Variants in CYS1 observed in about 807,000 individuals in gnomAD.
CYS1 encodes the protein cystin-1.
CYS1 carries 5 observed loss-of-function variants against 9.6 expected under a neutral mutation model. That is an observed-to-expected ratio of 0.52 (90% confidence interval 0.27 to 1.10). The LOEUF (loss-of-function observed/expected upper bound fraction) is 1.10. CYS1 is among the 50% of genes least tolerant of loss of function. The pLI is 0.11. For missense variants in CYS1, 221 were observed against 207.9 expected, an observed-to-expected ratio of 1.06 and a Z score of -0.39; for synonymous variants, 88 against 95.7, an observed-to-expected ratio of 0.92 and a Z score of 0.47.
chr2:10,075,039 G>A (rs1465440039), intron 1 of CYS1, among the ~76,000 whole-genome samples: 1 of 152,170 alleles, frequency 6.6e-6, no homozygotes, highest in Non-Finnish European at 1.5e-5. Flanking sequence ...TGGAACCCGG[G>A]AGGCGGAGGC....
At position 10,079,960 on chromosome 2, in the gene CYS1, C is replaced by T. The variant is rs1482746547; in HGVS notation, c.264G>A (p.Glu88=). ...GCCGGGCTGGGCGGCGCGGGGCGGG[C>T]TCCGGGGGGCCCCAGGCCGCCGACT... ...LAESAAWGPP[E]PAPRRPARLR... Residue 88 remains glutamate (E), a synonymous_variant, in exon 1 of 3, where the codon GAG becomes GAA. Transcript: ENST00000381813. 6.3e-6 allele frequency: 7 copies of T among 1,114,648 alleles called. No homozygotes were observed. The highest frequency in any genetic ancestry group is 5.0e-5 in the Admixed American group (1 of 19,822). The allele number at this position is 1,114,648 out of a possible 1,614,324, so 69.0% of individuals were successfully genotyped here. A position where few individuals can be genotyped will look rare whatever the true frequency, so the allele number is the denominator to read the frequency against.
intron 1 of CYS1, among the ~76,000 whole-genome samples, chr2:10,069,846 C>G (rs2125290062): frequency 6.6e-6 from 1 of 152,320 alleles, no homozygotes; most frequent in South Asian, 2.1e-4. Context: ...CTCCAAATAT[C>G]TGAAGAGCTC....
At chr2:10,069,381 G>T (rs928582831) in intron 1 of CYS1, among the ~76,000 whole-genome samples, 16 of 152,116 alleles carry the variant, frequency 1.1e-4, no homozygotes, top group Non-Finnish European at 1.9e-4. Flanking sequence ...TGTTGTTGTT[G>T]TTTTTTGCGA....
chr2:10,077,884 C>T (rs4564746), intron 1 of CYS1, among the ~76,000 whole-genome samples: 72,324 of 151,150 alleles, frequency 0.48, 18,535 homozygotes, highest in East Asian at 0.69. Flanking sequence ...CCAAGGTGGG[C>T]GGGTCACCTG....
In CYS1 at chr2:10,058,835, G is replaced by A. The variant is rs769765865; in HGVS notation, c.*18C>T. 6.5e-7 allele frequency: 1 copy of A among 1,544,976 alleles called. No individual in the cohort carries two copies. Among genetic ancestry groups the A allele is most frequent in the South Asian group, 1.2e-5 (1 of 84,300 alleles). ...AGCAGGTGCCTCCGAGGCCTGGCGG[G>A]GGTGGAGCATGCTGTCCTCAGCGGC... On this transcript the variant is annotated 3_prime_UTR_variant, in exon 3 of 3. Transcript: ENST00000381813.
chr2:10,067,010 T>C (rs1461574227), intron 1 of CYS1, among the ~76,000 whole-genome samples: 6 of 152,170 alleles, frequency 3.9e-5, no homozygotes, highest in African/African-American at 9.7e-5. Flanking sequence ...GGATATCTCT[T>C]TTTATTTTAT....
At position 10,065,855 on chromosome 2, in the gene CYS1, C is replaced by T. The variant is rs377476624; in HGVS notation, c.371+49G>A. On this transcript the variant is annotated intron_variant, in intron 2 of 2. Coordinates refer to ENST00000381813, the MANE Select transcript of CYS1 (RefSeq NM_001037160.3). ...GGGCTCTGAGGCTGGCTGGAGTCAA[C>T]AAAAAGAACCCGTGGCTTCTGGGAG... is the stretch of plus-strand genomic sequence containing the variant. The T allele has an allele frequency of 1.2e-5, 20 of 1,604,684 alleles. No homozygotes were observed. The African/African-American group carries it at 2.1e-4, about 17-fold the overall frequency.
intron 1 of CYS1, among the ~76,000 whole-genome samples, chr2:10,075,725 CA>C (rs947541548): frequency 1.3e-3 from 202 of 152,228 alleles, no homozygotes; most frequent in African/African-American, 4.6e-3. Flanking sequence ...GGAACCTTTC[CA>C]AAAATGGTGG....
Position 10,076,867 on chromosome 2 carries a change from G to C in CYS1, c.318+3039C>G, listed in dbSNP as rs547799332. ...TCCCATGTTCTAATGGCTTCTAAAC[G>C]AACTCCAAACCTGACCTCTCCCCTG... is the stretch of plus-strand genomic sequence containing the variant. On this transcript the variant is annotated intron_variant, in intron 1 of 2. Coordinates refer to ENST00000381813, the MANE Select transcript of CYS1 (RefSeq NM_001037160.3). The surrounding 1 kb of genome is among the most constrained non-coding windows in gnomAD (Gnocchi z 4.3). Among the ~76,000 whole-genome samples the C allele has an allele frequency of 4.7e-4, 72 of 152,102 alleles. No homozygotes were observed. Among genetic ancestry groups the C allele is most frequent in the African/African-American group, 1.6e-3 (66 of 41,470 alleles).
intron 1 of CYS1, among the ~76,000 whole-genome samples, chr2:10,079,444 G>A (rs1035215087): frequency 1.3e-5 from 2 of 152,222 alleles, no homozygotes; most frequent in Non-Finnish European, 2.9e-5. Flanking sequence ...AGAATAGGAA[G>A]CGCAAAAGAG....
chr2:10,079,835 T>C, intron 1 of CYS1, 71 bp downstream of exon 1: 1 of 952,550 alleles, frequency 1.0e-6, no homozygotes, highest in Non-Finnish European at 1.3e-6. Context: ...CGCCCAGGGC[T>C]GGGGCGGGGA....
intron 2 of CYS1, among the ~76,000 whole-genome samples, chr2:10,061,533 A>T (rs1661626455): frequency 6.6e-6 from 1 of 152,228 alleles, no homozygotes; most frequent in South Asian, 2.1e-4. Flanking sequence ...TTGCCTGTGG[A>T]TGTGAAGCTG....
rs1661745821 is a variant in CYS1 at position 10,070,130 on chromosome 2, AG to A, written c.319-4175del. On this transcript the variant is annotated intron_variant, in intron 1 of 2. Coordinates refer to ENST00000381813, the MANE Select transcript of CYS1 (RefSeq NM_001037160.3). The stretch of plus-strand genomic sequence containing the variant: ...TCTAGGGTCACTGTGAACGCTCAGC[AG>A]GTGAGGAGGGGGAGGGCAAGGGTAA... 1.3e-5 allele frequency among the ~76,000 whole-genome samples: 2 copies of A among 152,182 alleles called. 1 individual carries two copies. Among genetic ancestry groups the A allele is most frequent in the South Asian group, 4.1e-4 (2 of 4,834 alleles).
chr2:10,070,123 G>C (rs140481477), intron 1 of CYS1, among the ~76,000 whole-genome samples: 1 of 152,124 alleles, frequency 6.6e-6, no homozygotes, highest in African/African-American at 2.4e-5. Context: ...CACTGTGAAC[G>C]CTCAGCAGGT....
intron 1 of CYS1, among the ~76,000 whole-genome samples, chr2:10,068,483 G>C (rs1285123228): frequency 6.6e-6 from 1 of 152,226 alleles, no homozygotes; most frequent in African/African-American, 2.4e-5. Flanking sequence ...CACATAGCAG[G>C]CATCCCTGGT....
At chr2:10,077,078 G>T (rs894137532) in intron 1 of CYS1, among the ~76,000 whole-genome samples, 3 of 152,062 alleles carry the variant, frequency 2.0e-5, no homozygotes, top group Non-Finnish European at 4.4e-5. Flanking sequence ...AAGAACTCCT[G>T]GTTCACCTTT....
chr2:10,067,945 C>T (rs1661717934), intron 1 of CYS1, among the ~76,000 whole-genome samples: 1 of 152,108 alleles, frequency 6.6e-6, no homozygotes, highest in Admixed American at 6.6e-5. Flanking sequence ...TATCTTAATC[C>T]TTTATTGAAA....
At chr2:10,074,733 G>A (rs1661819058) in intron 1 of CYS1, among the ~76,000 whole-genome samples, 1 of 152,200 alleles carries the variant, frequency 6.6e-6, no homozygotes, top group Admixed American at 6.5e-5. Context: ...TTGGAATCCT[G>A]TGAAAATGTG....
intron 1 of CYS1, among the ~76,000 whole-genome samples, chr2:10,067,403 T>C (rs947682414): frequency 4.8e-5 from 6 of 126,086 alleles, no homozygotes; most frequent in Non-Finnish European, 9.9e-5. Flanking sequence ...AAAAAATTCT[T>C]TTCTTTTTTT....
Sources: gnomAD v4.1 joint callset for allele counts (sites outside exome capture counted in the v4.1 genomes callset) on GRCh38, gnomAD v4.1.1 for gene constraint, Gnocchi (gnomAD v3.1) non-coding constraint, MANE v1.5 for transcripts, NCBI Gene and HGNC (gene_info 2026-07-23, HGNC 2026-07-21) for gene names.